The following ZNF385D variants were observed in gnomAD, a reference collection of about 807,000 sequenced individuals.
ZNF385D encodes the protein zinc finger protein 659.
A neutral mutation model predicts 35.8 loss-of-function variants in ZNF385D; 15 were observed. The ratio of observed to expected loss-of-function variants is 0.42; its 90% CI spans 0.28 to 0.64. ZNF385D has a LOEUF of 0.64. ZNF385D is among the 30% of genes least tolerant of loss of function. The pLI is 0.23. For missense variants in ZNF385D, 474 were observed against 494.6 expected, an observed-to-expected ratio of 0.96 and a Z score of 0.39; for synonymous variants, 212 against 186.8, an observed-to-expected ratio of 1.13 and a Z score of -1.10.
chr3:21,768,850 C>T (rs1312214414), intron 3 of ZNF385D, among the ~76,000 whole-genome samples: 1 of 151,884 alleles, frequency 6.6e-6, no homozygotes, highest in Non-Finnish European at 1.5e-5. Context: ...CCATTTTTTC[C>T]CTCCTTTGAT....
At chr3:21,767,073 C>A (rs942635449) in intron 3 of ZNF385D, among the ~76,000 whole-genome samples, 10 of 151,306 alleles carry the variant, frequency 6.6e-5, no homozygotes. Context: ...CCCCCACCCA[C>A]CCTCACACAC....
intron 3 of ZNF385D, among the ~76,000 whole-genome samples, chr3:22,147,853 A>G (rs1269528208): frequency 6.6e-6 from 1 of 152,156 alleles, no homozygotes; most frequent in African/African-American, 2.4e-5. Flanking sequence ...TAGGAAAGAA[A>G]TACTCTCTTT....
chr3:21,990,325 T>C (rs1476177151), intron 3 of ZNF385D, among the ~76,000 whole-genome samples: 1 of 152,174 alleles, frequency 6.6e-6, no homozygotes, highest in Non-Finnish European at 1.5e-5. Flanking sequence ...AGTAGTTATT[T>C]GGGAGCAAAA....
intron 3 of ZNF385D, among the ~76,000 whole-genome samples, chr3:21,840,926 T>C (rs1483787711): frequency 6.6e-6 from 1 of 152,084 alleles, no homozygotes; most frequent in Non-Finnish European, 1.5e-5. Context: ...GACTGAGACC[T>C]GCTCAGGATA....
intron 3 of ZNF385D, among the ~76,000 whole-genome samples, chr3:22,149,435 G>A (rs1359457762): frequency 1.3e-5 from 2 of 152,150 alleles, no homozygotes; most frequent in East Asian, 1.9e-4. Flanking sequence ...ATAGGGCAGT[G>A]ATTCTTAAGC....
At chr3:21,445,079 G>A (rs753967938) in intron 4 of ZNF385D, among the ~76,000 whole-genome samples, 10 of 152,176 alleles carry the variant, frequency 6.6e-5, no homozygotes, top group Non-Finnish European at 1.2e-4. Flanking sequence ...AGATAAGTAG[G>A]ATCCCATATT....
chr3:21,473,393 G>T (rs1001589658), intron 4 of ZNF385D, among the ~76,000 whole-genome samples: 3 of 152,068 alleles, frequency 2.0e-5, no homozygotes, highest in Non-Finnish European at 4.4e-5. Context: ...GAGATTGAAG[G>T]AACAAATTTC....
At chr3:21,858,308 C>T (rs1017115183) in intron 3 of ZNF385D, among the ~76,000 whole-genome samples, 2 of 152,066 alleles carry the variant, frequency 1.3e-5, no homozygotes, top group East Asian at 1.9e-4. Flanking sequence ...GTTCTAACAT[C>T]GGCCACCAAG....
At chr3:22,227,834 A>G (rs1243323353) in intron 2 of ZNF385D, among the ~76,000 whole-genome samples, 1 of 152,184 alleles carries the variant, frequency 6.6e-6, no homozygotes, top group East Asian at 1.9e-4. Context: ...GTAGGTATAA[A>G]TATGACTGCA....
At position 21,499,720 on chromosome 3, in the gene ZNF385D, C is replaced by G. The variant is rs1706223871; in HGVS notation, c.439+11141G>C. ...GTCAGTATCATTACTGCTACACATT[C>G]TGCATTCTGACCTTCATCTTTAGGT... is the stretch of plus-strand genomic sequence containing the variant. On this transcript the variant is annotated intron_variant, in intron 4 of 7. Transcript: ENST00000281523. Among the ~76,000 whole-genome samples the G allele has an allele frequency of 2.0e-5, 3 of 151,714 alleles. No individual in the cohort carries two copies. In the South Asian group the frequency reaches 6.2e-4, roughly 31 times the overall value.
At chr3:22,045,708 T>A (rs1211195384) in intron 3 of ZNF385D, among the ~76,000 whole-genome samples, 3 of 150,436 alleles carry the variant, frequency 2.0e-5, no homozygotes, top group Admixed American at 2.0e-4. Flanking sequence ...CGAGTATTAT[T>A]CAAAATATCT....
intron 3 of ZNF385D, among the ~76,000 whole-genome samples, chr3:21,999,271 A>C (rs769106694): frequency 3.0e-4 from 46 of 152,174 alleles, no homozygotes; most frequent in Non-Finnish European, 5.6e-4. Context: ...CTATAAAGTT[A>C]GTTTGATGTC....
At chr3:21,933,349 A>G (rs927971718) in intron 3 of ZNF385D, among the ~76,000 whole-genome samples, 1 of 152,150 alleles carries the variant, frequency 6.6e-6, no homozygotes, top group Admixed American at 6.5e-5. Context: ...AGATTTTGCT[A>G]TTTGATCTAT....
At position 21,518,349 on chromosome 3, in the gene ZNF385D, T is replaced by A. The variant is rs182851367; in HGVS notation, c.277-7326A>T. ...ACATCCTTATAATTCTAACATTACA[T>A]ATGAGTGCTTTCCAAGTCCTTGCGA... On this transcript the variant is annotated intron_variant, in intron 3 of 7. Transcript: ENST00000281523. Among the ~76,000 whole-genome samples, 11 of 152,304 alleles carry A rather than the reference T, an allele frequency of 7.2e-5. No individual in the cohort carries two copies. The East Asian group carries it at 2.1e-3, about 29-fold the overall frequency.
At chr3:21,933,063 T>G (rs1405252868) in intron 3 of ZNF385D, among the ~76,000 whole-genome samples, 1 of 152,172 alleles carries the variant, frequency 6.6e-6, no homozygotes, top group East Asian at 1.9e-4. Context: ...TTCCTGAATC[T>G]TGGAGCTCTG....
chr3:21,681,867 G>A (rs1420366985), intron 1 of ZNF385D, among the ~76,000 whole-genome samples: 1 of 151,112 alleles, frequency 6.6e-6, no homozygotes, highest in African/African-American at 2.4e-5. Flanking sequence ...ATTGGCTCAG[G>A]TATTGAAAAC....
At chr3:21,867,177 G>A (rs552844674) in intron 3 of ZNF385D, among the ~76,000 whole-genome samples, 11 of 152,096 alleles carry the variant, frequency 7.2e-5, no homozygotes, top group Non-Finnish European at 1.3e-4. Context: ...GAGAGCAGAA[G>A]AGAGTGCACC....
chr3:22,005,174 C>T (rs1159220738), intron 3 of ZNF385D, among the ~76,000 whole-genome samples: 1 of 148,156 alleles, frequency 6.7e-6, no homozygotes, highest in Non-Finnish European at 1.5e-5. Context: ...CCCACAGGTA[C>T]ATGAAAAAAT....
chr3:21,991,663 T>C (rs1695159092), intron 3 of ZNF385D, among the ~76,000 whole-genome samples: 3 of 152,172 alleles, frequency 2.0e-5, no homozygotes. Flanking sequence ...CAGTAAATAC[T>C]TGTCCTAAGA....
Sources: gnomAD v4.1 joint callset for allele counts (sites outside exome capture counted in the v4.1 genomes callset) on GRCh38, gnomAD v4.1.1 for gene constraint, MANE v1.5 for transcripts, NCBI Gene and HGNC (gene_info 2026-07-23, HGNC 2026-07-21) for gene names.